Variants in RANBP17 observed in about 807,000 individuals in gnomAD.
The protein encoded by RANBP17 is ran-binding protein 17.
Under a neutral mutation model 141.2 loss-of-function variants are expected in RANBP17, and 158 were observed. The ratio of observed to expected loss-of-function variants is 1.12; its 90% CI spans 0.98 to 1.28. The LOEUF (loss-of-function observed/expected upper bound fraction) is 1.28, where lower values mean the gene tolerates loss of function less well. Among genes scored for constraint, RANBP17 ranks in the 50% most tolerant of loss-of-function variants. RANBP17 has a pLI of 0.00. For missense variants in RANBP17, 1,438 were observed against 1,290.7 expected (o/e 1.11, Z -1.75); for synonymous variants, 430 against 450.0 (o/e 0.96, Z 0.56).
At chr5:171,293,846 C>T in intron 25 of RANBP17, 37 bp from the exon 26 acceptor site, 1 of 1,475,994 alleles carries the variant, frequency 6.8e-7, no homozygotes, top group Non-Finnish European at 9.5e-7. Flanking sequence ...AACTCTGAGA[C>T]AAGGCATCTC....
intron 12 of RANBP17, among the ~76,000 whole-genome samples, chr5:170,936,787 T>C (rs1372892886): frequency 1.3e-5 from 2 of 152,224 alleles, no homozygotes; most frequent in Middle Eastern, 3.2e-3. Flanking sequence ...TGTAATTATA[T>C]TGTTTGCAGA....
chr5:171,035,737 G>GTTTTTTTTTTTTTT (rs781327156), intron 14 of RANBP17, among the ~76,000 whole-genome samples: 1 of 95,394 alleles, frequency 1.0e-5, no homozygotes, highest in Non-Finnish European at 2.5e-5. Context: ...TTCTTTTTTT[G>GTTTTTTTTTTTTTT]TTTTTTTTTT....
chr5:171,040,372 G>A (rs1782178140), intron 14 of RANBP17, among the ~76,000 whole-genome samples: 1 of 152,154 alleles, frequency 6.6e-6, no homozygotes, highest in Non-Finnish European at 1.5e-5. Flanking sequence ...AATAATTTTA[G>A]AGCTTTTAGT....
At chr5:171,105,066 G>A (rs1754689836) in intron 14 of RANBP17, among the ~76,000 whole-genome samples, 1 of 152,112 alleles carries the variant, frequency 6.6e-6, no homozygotes, top group African/African-American at 2.4e-5. Flanking sequence ...CTTTTGGAGA[G>A]GATAAAACAA....
intron 12 of RANBP17, among the ~76,000 whole-genome samples, chr5:170,939,605 C>G (rs915534617): frequency 1.3e-5 from 2 of 151,910 alleles, no homozygotes. Flanking sequence ...AGGTTGGTCT[C>G]GAACTTCTGA....
chr5:171,279,918 G>A (rs565806411), intron 25 of RANBP17, among the ~76,000 whole-genome samples: 28 of 152,120 alleles, frequency 1.8e-4, no homozygotes, highest in African/African-American at 6.0e-4. Flanking sequence ...TTTTCGCAGG[G>A]CCTTAACCTA....
At chr5:171,184,397 A>G (rs1761090136) in intron 18 of RANBP17, among the ~76,000 whole-genome samples, 1 of 152,190 alleles carries the variant, frequency 6.6e-6, no homozygotes, top group Non-Finnish European at 1.5e-5. Flanking sequence ...GACAAATACT[A>G]TATGATATCA....
chr5:171,226,726 A>G (rs752796205), intron 22 of RANBP17, among the ~76,000 whole-genome samples: 7 of 152,212 alleles, frequency 4.6e-5, no homozygotes, highest in Admixed American at 6.5e-5. Context: ...CTATGTAGTT[A>G]CACTAGACTT....
chr5:171,210,015 A>T (rs897212502), intron 20 of RANBP17, among the ~76,000 whole-genome samples: 1 of 152,198 alleles, frequency 6.6e-6, no homozygotes, highest in East Asian at 1.9e-4. Flanking sequence ...TACTTTTCAC[A>T]TTTTCATATT....
chr5:170,889,061 CT>C (rs925813769), intron 3 of RANBP17, among the ~76,000 whole-genome samples: 130 of 150,686 alleles, frequency 8.6e-4, no homozygotes, highest in Non-Finnish European at 1.5e-3. Context: ...TTTTTTCTTT[CT>C]TTTTTTTTGT....
At chr5:171,186,605 C>T (rs955013917) in intron 18 of RANBP17, among the ~76,000 whole-genome samples, 3 of 111,504 alleles carry the variant, frequency 2.7e-5, no homozygotes, top group Admixed American at 1.3e-4. Flanking sequence ...GGTGCGATCT[C>T]GGCTCACTGC....
intron 14 of RANBP17, among the ~76,000 whole-genome samples, chr5:171,036,019 A>G (rs1043393379): frequency 2.6e-5 from 4 of 151,950 alleles, no homozygotes; most frequent in Admixed American, 6.6e-5. Context: ...CAGCCTCCCA[A>G]GTAGCTGGGA....
rs115681070 is a variant in RANBP17 at position 170,942,626 on chromosome 5, A to G, written c.1469-10971A>G. On this transcript the variant is annotated intron_variant, in intron 12 of 27. Coordinates refer to ENST00000523189, the MANE Select transcript of RANBP17 (RefSeq NM_022897.5). ...AAGCATTAAATATTGACTCATGCTT[A>G]CTTCTAGGGTGGAAGGTAAGGGGAC... is the stretch of plus-strand genomic sequence containing the variant. Among the ~76,000 whole-genome samples the G allele has an allele frequency of 5.3e-3, 811 of 152,302 alleles. 5 individuals carry two copies. The highest frequency in any genetic ancestry group is 0.018 in the African/African-American group (767 of 41,568).
At chr5:170,998,587 T>C (rs1166717009) in intron 14 of RANBP17, among the ~76,000 whole-genome samples, 3 of 152,270 alleles carry the variant, frequency 2.0e-5, no homozygotes, top group East Asian at 3.9e-4. Context: ...TTAAACAGTG[T>C]AATAGTCTTG....
At chr5:170,899,268 T>A (rs1215049791) in intron 5 of RANBP17, among the ~76,000 whole-genome samples, 6 of 152,192 alleles carry the variant, frequency 3.9e-5, no homozygotes, top group African/African-American at 1.4e-4. Context: ...AGGTATTTTA[T>A]TCTCTTTGTA....
chr5:171,275,102 CAG>C (rs1445262196), intron 25 of RANBP17, among the ~76,000 whole-genome samples: 1 of 152,074 alleles, frequency 6.6e-6, no homozygotes, highest in African/African-American at 2.4e-5. Context: ...CCCAAACCAG[CAG>C]AGAGTTGGGT....
Position 171,232,185 on chromosome 5 carries a change from T to A in RANBP17, c.2423-8743T>A, listed in dbSNP as rs1764244058. ...TAAAAGTTAATGTTTTTAAGATTTT[T>A]ATATCTACTAATATGCTTATAAAAT... On this transcript the variant is annotated intron_variant, in intron 22 of 27. Coordinates refer to ENST00000523189, the MANE Select transcript of RANBP17 (RefSeq NM_022897.5). 2.0e-5 allele frequency among the ~76,000 whole-genome samples: 3 copies of A among 152,324 alleles called. No individual in the cohort carries two copies. In the South Asian group the frequency reaches 6.2e-4, roughly 32 times the overall value.
chr5:170,996,723 A>G (rs1778841422), intron 14 of RANBP17, among the ~76,000 whole-genome samples: 1 of 152,192 alleles, frequency 6.6e-6, no homozygotes, highest in Non-Finnish European at 1.5e-5. Flanking sequence ...CATCATTACT[A>G]CTTTTCCTTT....
At position 171,273,201 on chromosome 5, in the gene RANBP17, A is replaced by AC. The variant is rs551755971; in HGVS notation, c.2943+7356dup. ...ATCTCTCTTCATTGTCCTGACTTTC[A>AC]CCACTGATTCATCAGCATAGAATGC... On this transcript the variant is annotated intron_variant, in intron 25 of 27. Transcript: ENST00000523189. Among the ~76,000 whole-genome samples, 20 of 152,242 alleles carry AC rather than the reference A, an allele frequency of 1.3e-4. No individual in the cohort carries two copies. In the East Asian group the frequency reaches 2.9e-3, roughly 22 times the overall value.
Sources: allele counts gnomAD v4.1 joint callset (sites outside exome capture counted in the v4.1 genomes callset), GRCh38; gene constraint gnomAD v4.1.1; transcripts MANE v1.5; gene names NCBI Gene and HGNC (gene_info 2026-07-23, HGNC 2026-07-21).